Variants in SAFB2 observed in about 807,000 individuals in gnomAD.
The protein encoded by SAFB2 is scaffold attachment factor B2.
SAFB2 carries 32 observed loss-of-function variants against 100.6 expected under a neutral mutation model. The ratio of observed to expected loss-of-function variants is 0.32; its 90% CI spans 0.24 to 0.43. The LOEUF is 0.43. Ranked by LOEUF, SAFB2 falls within the 20% of genes least tolerant of loss-of-function variation. The probability of loss-of-function intolerance (pLI) is 1.00; values close to 1 mark genes in which losing one functional copy is unlikely to be tolerated. For synonymous variants in SAFB2, 500 were observed against 439.4 expected (o/e 1.14, Z -1.72); for missense variants, 1,185 against 1,163.4 (o/e 1.02, Z -0.27).
intron 15 of SAFB2, among the ~76,000 whole-genome samples, 193 bp from the exon 16 acceptor site, chr19:5,593,080 G>C (rs1467450587): frequency 1.3e-5 from 2 of 152,132 alleles, no homozygotes; most frequent in African/African-American, 2.4e-5. Flanking sequence ...ATTAACAGCC[G>C]AGAGGCACAC....
chr19:5,595,049 A>C (rs2052506916), intron 14 of SAFB2, among the ~76,000 whole-genome samples: 1 of 152,152 alleles, frequency 6.6e-6, no homozygotes, highest in Non-Finnish European at 1.5e-5. Context: ...GGGTCTCGCT[A>C]CATTGCCTAG....
intron 11 of SAFB2, among the ~76,000 whole-genome samples, 182 bp downstream of exon 11, chr19:5,604,401 A>G (rs1294295953): frequency 6.6e-6 from 1 of 152,210 alleles, no homozygotes; most frequent in African/African-American, 2.4e-5. Flanking sequence ...CCAAAAAATA[A>G]ATAAATAAAA....
At chr19:5,605,970 C>G (rs2052765902) in intron 9 of SAFB2, among the ~76,000 whole-genome samples, 1 of 152,200 alleles carries the variant, frequency 6.6e-6, no homozygotes, top group Admixed American at 6.5e-5. Flanking sequence ...GAGGGTTCCT[C>G]CCACCCAGTG....
chr19:5,601,987 G>C (rs866817686), intron 11 of SAFB2, among the ~76,000 whole-genome samples: 47 of 152,144 alleles, frequency 3.1e-4, no homozygotes, highest in African/African-American at 9.7e-4. Flanking sequence ...ACTCATCCAA[G>C]ATGGCAAAGG....
At chr19:5,601,711 A>AAAATAAATAAATAAATAAATAAAT (rs10647558) in intron 11 of SAFB2, among the ~76,000 whole-genome samples, 4 of 144,748 alleles carry the variant, frequency 2.8e-5, no homozygotes, top group African/African-American at 7.7e-5. Flanking sequence ...ACTCCATCTC[A>AAAATAAATAAATAAATAAATAAAT]AAATAAATAA....
intron 6 of SAFB2, 118 bp downstream of exon 6, chr19:5,612,422 G>T: frequency 1.1e-6 from 1 of 909,604 alleles, no homozygotes; most frequent in Non-Finnish European, 1.8e-6. Context: ...TGTATGATCT[G>T]GATTGTCCAC....
intron 9 of SAFB2, among the ~76,000 whole-genome samples, chr19:5,605,275 T>C (rs2052750930): frequency 6.6e-6 from 1 of 152,086 alleles, no homozygotes; most frequent in Non-Finnish European, 1.5e-5. Context: ...TGGCTAATTT[T>C]TGTGTTTTTA....
intron 9 of SAFB2, among the ~76,000 whole-genome samples, chr19:5,606,647 CA>C (rs1395358107): frequency 6.6e-6 from 1 of 151,866 alleles, no homozygotes; most frequent in Non-Finnish European, 1.5e-5. Context: ...ACAAAAAAAC[CA>C]GAAGAAACTT....
At chr19:5,622,042 G>A (rs2053164990) in intron 1 of SAFB2, among the ~76,000 whole-genome samples, 1 of 152,236 alleles carries the variant, frequency 6.6e-6, no homozygotes, top group Non-Finnish European at 1.5e-5. Flanking sequence ...GACCCAAAAT[G>A]ACAACAAGGG....
At position 5,616,643 on chromosome 19, in the gene SAFB2, CTTTTTTTTTTTTTT is replaced by C. The variant is rs60033130; in HGVS notation, c.275-171_275-158del. Among the ~76,000 whole-genome samples the C allele has an allele frequency of 7.4e-4, 54 of 72,808 alleles. No individual in the cohort carries two copies. The East Asian group carries it at 0.023, about 31-fold the overall frequency. 47.8% of individuals were successfully genotyped at this position (72,808 alleles called of 152,430 possible). ...ACGTAATTTTGTCTCAATTTGTTTT[CTTTTTTTTTTTTTT>C]TTTTTTTTTTTTGAGATGGAGTCTC... On this transcript the variant is annotated intron_variant, in intron 2 of 20. Transcript: ENST00000252542.
chr19:5,600,250 T>C lies in SAFB2; in HGVS notation c.1570A>G (p.Lys524Glu). Residue 524 changes from lysine to glutamate, a missense_variant, in exon 12 of 21, where the codon AAG (lysine) becomes GAG (glutamate). Coordinates refer to ENST00000252542, the MANE Select transcript of SAFB2 (RefSeq NM_014649.3). ...TTCTTCTCAATCTTCTCTTCCTTCT[T>C]AATTACAGTTCTATTTAAAGACATG... is the stretch of plus-strand genomic sequence containing the variant. ...VEIKIEKTVI[K>E]KEEKIEKKEE... is the part of the protein sequence containing the mutation. 1 of 1,612,674 alleles carries C rather than the reference T, an allele frequency of 6.2e-7. No individual in the cohort carries two copies. Among genetic ancestry groups the C allele is most frequent in the Non-Finnish European group, 8.5e-7 (1 of 1,179,488 alleles).
In SAFB2 at chr19:5,622,523, G is replaced by T; in HGVS notation, c.186+7C>A. ...CTGCGCCACCCCCGAGCCCCGCGCC[G>T]CCTCACCTTCTTGAGCCGCTCCATC... is the stretch of plus-strand genomic sequence containing the variant. On this transcript the variant is annotated splice_region_variant and intron_variant, in intron 1 of 20. Coordinates refer to ENST00000252542, the MANE Select transcript of SAFB2 (RefSeq NM_014649.3). 1 of 1,599,822 alleles carries T rather than the reference G, an allele frequency of 6.3e-7. No individual in the cohort carries two copies. Among genetic ancestry groups the T allele is most frequent in the Non-Finnish European group, 8.5e-7 (1 of 1,173,696 alleles).
At chr19:5,589,898 C>T (rs899216697) in intron 18 of SAFB2, among the ~76,000 whole-genome samples, 1 of 152,136 alleles carries the variant, frequency 6.6e-6, no homozygotes, top group Admixed American at 6.5e-5. Context: ...GAGGAAGACA[C>T]GTGTCAAGAG....
intron 7 of SAFB2, 146 bp from the exon 8 acceptor site, chr19:5,610,834 G>C: frequency 1.3e-6 from 1 of 756,230 alleles, no homozygotes; most frequent in Non-Finnish European, 2.1e-6. Flanking sequence ...GCTTATATTG[G>C]AAAATCTGAC....
rs547528626 is a variant in SAFB2, at chr19:5,595,441, C to T, written c.1839G>A (p.Ser613=). ...CCCTTTGTTCTTTGATTTTATCAAA[C>T]GACAAGATGTCTCTCTTTTCTTTGC... ...SESKEKRDIL[S]FDKIKEQRER... Residue 613 remains serine (S), a synonymous_variant, in exon 14 of 21, where the codon TCG becomes TCA. Transcript: ENST00000252542. 3.0e-5 allele frequency: 48 copies of T among 1,613,886 alleles called. No homozygotes were observed. The highest frequency in any genetic ancestry group is 1.8e-4 in the South Asian group (16 of 91,082).
chr19:5,622,694 A>G lies in SAFB2; in HGVS notation c.22T>C (p.Ser8Pro), dbSNP rs575858665. Reference sequence around the variant, plus strand: ...GCCGTGCCAGGGCCCGAGTCGCCCGACCCGGGCAGAGTCTCCGCCATCGTC... The same window carrying G: ...GCCGTGCCAGGGCCCGAGTCGCCCGGCCCGGGCAGAGTCTCCGCCATCGTC... MAETLPG[S>P]GDSGPGTASL... is the part of the protein sequence containing the mutation. Residue 8 changes from serine to proline, a missense_variant, in exon 1 of 21, where the codon TCG becomes CCG. Transcript: ENST00000252542. The G allele has an allele frequency of 7.5e-6, 12 of 1,604,696 alleles. 1 individual carries two copies. The South Asian group carries it at 7.7e-5, about 10-fold the overall frequency.
At position 5,592,890 on chromosome 19, in the gene SAFB2, G is replaced by A. The variant is rs1032895206; in HGVS notation, c.2208-3C>T. 2 of 1,613,664 alleles carry A rather than the reference G, an allele frequency of 1.2e-6. No homozygotes were observed. The highest frequency in any genetic ancestry group is 1.7e-6 in the Non-Finnish European group (2 of 1,179,712). ...CTGGCCAATAGGCATCATCTCGTCT[G>A]TTGGTTTTTATTTTAAAAGAATACA... On this transcript the variant is annotated splice_polypyrimidine_tract_variant and splice_region_variant and intron_variant, in intron 15 of 20. Transcript: ENST00000252542.
chr19:5,609,102 C>T (rs2052846341), intron 9 of SAFB2, among the ~76,000 whole-genome samples: 1 of 145,668 alleles, frequency 6.9e-6, no homozygotes, highest in Non-Finnish European at 1.5e-5. Flanking sequence ...AAAAAGAAGA[C>T]TCTTAATTAA....
At chr19:5,591,913 C>T in intron 16 of SAFB2, 120 bp from the exon 17 acceptor site, 1 of 961,396 alleles carries the variant, frequency 1.0e-6, no homozygotes, top group Non-Finnish European at 1.6e-6. Flanking sequence ...CTATAACTGG[C>T]CTGGGAAAAA....
Sources: gnomAD v4.1 joint callset for allele counts (sites outside exome capture counted in the v4.1 genomes callset) on GRCh38, gnomAD v4.1.1 for gene constraint, MANE v1.5 for transcripts, NCBI Gene and HGNC (gene_info 2026-07-23, HGNC 2026-07-21) for gene names.